CASC3: variants seen among roughly 807,000 people sequenced by gnomAD.
CASC3 encodes the protein CASC3 exon junction complex subunit.
CASC3 carries 30 observed loss-of-function variants against 80.5 expected under a neutral mutation model. That is an observed-to-expected ratio of 0.37 (90% CI 0.28 to 0.51). The LOEUF (loss-of-function observed/expected upper bound fraction) is 0.51. Among genes scored for constraint, CASC3 ranks in the 20% least tolerant of loss-of-function variants. The pLI is 0.94. For synonymous variants in CASC3, 312 were observed against 333.6 expected, an observed-to-expected ratio of 0.94 and a Z score of 0.70; for missense variants, 824 against 922.2, an observed-to-expected ratio of 0.89 and a Z score of 1.38.
chr17:40,168,392 C>T lies in CASC3; in HGVS notation c.1940C>T (p.Pro647Leu), dbSNP rs777929034. The change falls in exon 11 of 14, where the codon CCG becomes CTG. Residue 647 changes from proline to leucine, a missense_variant. By Grantham distance (98) the Pro-to-Leu change is moderately conservative. Around this residue, in one of 3 missense-constraint regions of CASC3, gnomAD observed 464 missense variants for 506.0 expected, o/e 0.92. Transcript: ENST00000264645. ...CCAGGGGCACTGCCTCCCCCACCACCGCCTCATCTGTATCCTAATACACAG... is the reference window on the plus strand; with the variant it reads ...CCAGGGGCACTGCCTCCCCCACCACTGCCTCATCTGTATCCTAATACACAG... Reference protein sequence around the residue: ...YAPGALPPPPPPHLYPNTQAP... With the variant: ...YAPGALPPPPLPHLYPNTQAP... 4.3e-6 allele frequency: 7 copies of T among 1,613,936 alleles called. No homozygotes were observed. Among genetic ancestry groups the T allele is most frequent in the South Asian group, 1.1e-5 (1 of 91,076 alleles).
chr17:40,153,745 C>T (rs1027861188), intron 3 of CASC3, among the ~76,000 whole-genome samples: 33 of 152,102 alleles, frequency 2.2e-4, no homozygotes, highest in African/African-American at 7.7e-4. Flanking sequence ...CCCAGGAGTT[C>T]GAGACCAGCT....
chr17:40,143,589 C>T (rs1988777949), intron 3 of CASC3, among the ~76,000 whole-genome samples: 2 of 151,612 alleles, frequency 1.3e-5, no homozygotes, highest in Non-Finnish European at 2.9e-5. Context: ...CCCAGCACTT[C>T]GGGAGGCTGA....
At chr17:40,167,364 T>A in intron 8 of CASC3, 134 bp from the exon 9 acceptor site, 2 of 621,738 alleles carry the variant, frequency 3.2e-6, no homozygotes, top group South Asian at 4.0e-5. Context: ...TTTTCATTAT[T>A]TTTCAGCTCA....
Position 40,140,572 on chromosome 17 carries a change from C to T in CASC3, c.24C>T (p.Arg8=). The part of the protein sequence containing the change: MADRRRQ[R]ASQDTEDEES... ...AGATGGCGGACCGGCGGCGGCAGCG[C>T]GCTTCGCAAGACACCGAGGACGAGG... Residue 8 remains arginine, a synonymous_variant, in exon 1 of 14, where the codon CGC becomes CGT. Coordinates refer to ENST00000264645, the MANE Select transcript of CASC3 (RefSeq NM_007359.5). 6.2e-7 allele frequency: 1 copy of T among 1,608,736 alleles called. No homozygotes were observed.
At chr17:40,167,280 T>C (rs766102045) in intron 8 of CASC3, 11 of 570,934 alleles carry the variant, frequency 1.9e-5, no homozygotes, top group Non-Finnish European at 3.4e-5. Context: ...AGTTTTTCCA[T>C]TGATTATGCA....
At chr17:40,155,090 C>A (rs1362594099) in intron 3 of CASC3, among the ~76,000 whole-genome samples, 1 of 151,498 alleles carries the variant, frequency 6.6e-6, no homozygotes, top group Non-Finnish European at 1.5e-5. Context: ...GGGGTTTCAC[C>A]GTGTTAGCCA....
At chr17:40,156,268 G>C (rs1304124244) in intron 3 of CASC3, among the ~76,000 whole-genome samples, 1 of 152,130 alleles carries the variant, frequency 6.6e-6, no homozygotes, top group Non-Finnish European at 1.5e-5. Flanking sequence ...AATCAATGGT[G>C]CTCAGTTGTT....
intron 3 of CASC3, among the ~76,000 whole-genome samples, chr17:40,148,781 C>T (rs1242201247): frequency 6.6e-6 from 1 of 152,172 alleles, no homozygotes; most frequent in Non-Finnish European, 1.5e-5. Context: ...CTTTCTCCTG[C>T]GTGGACACCA....
In CASC3 at chr17:40,164,052, G is replaced by T. The variant is rs937616014; in HGVS notation, c.1357G>T (p.Ala453Ser). The change falls in exon 7 of 14, where the codon GCT (alanine) becomes TCT (serine). Residue 453 changes from alanine to serine, a missense_variant. Ala to Ser is a moderately conservative substitution (Grantham distance 99). This residue lies in a region of CASC3 where 464 missense variants were observed against 506.0 expected (regional missense o/e 0.92). Transcript: ENST00000264645. ...ACCTACTAAGACTGGGACCTGGGAA[G>T]CTCCGGTGGATTCTAGTACAAGTGG... Reference protein sequence around the residue: ...TPPTKTGTWEAPVDSSTSGLE... With the variant: ...TPPTKTGTWESPVDSSTSGLE... 6.2e-6 allele frequency: 10 copies of T among 1,613,994 alleles called. No homozygotes were observed. The highest frequency in any genetic ancestry group is 7.6e-6 in the Non-Finnish European group (9 of 1,180,026).
Position 40,168,373 on chromosome 17 carries a change from G to A in CASC3, c.1921G>A (p.Ala641Thr), listed in dbSNP as rs765477275. ...GNPSYPYAPG[A>T]LPPPPPPHLY... ...TCCCAGTTACCCTTATGCTCCAGGG[G>A]CACTGCCTCCCCCACCACCGCCTCA... is the stretch of plus-strand genomic sequence containing the variant. Residue 641 changes from alanine (A) to threonine (T), a missense_variant, in exon 11 of 14, where the codon GCA (alanine) becomes ACA (threonine). Physicochemically the swap from Ala to Thr is moderately conservative, Grantham distance 58 (BLOSUM62 0). Coordinates refer to ENST00000264645, the MANE Select transcript of CASC3 (RefSeq NM_007359.5). 62 of 1,613,880 alleles carry A rather than the reference G, an allele frequency of 3.8e-5. No homozygotes were observed. The South Asian group carries it at 5.3e-4, about 14-fold the overall frequency.
intron 8 of CASC3, 51 bp downstream of exon 8, chr17:40,166,912 C>T: frequency 7.7e-7 from 1 of 1,291,936 alleles, no homozygotes; most frequent in South Asian, 1.3e-5. Context: ...TGTTACACAG[C>T]TTGTTCATTG....
At position 40,162,892 on chromosome 17, in the gene CASC3, G is replaced by A. The variant is rs899144079; in HGVS notation, c.776G>A (p.Arg259Gln). The change falls in exon 6 of 14, where the codon CGG (arginine) becomes CAG (glutamine). Residue 259 changes from arginine (R) to glutamine (Q), a missense_variant. By Grantham distance (43) the Arg-to-Gln change is conservative. This residue lies in a region of CASC3 where 201 missense variants were observed against 294.1 expected (regional missense o/e 0.68). Coordinates refer to ENST00000264645, the MANE Select transcript of CASC3 (RefSeq NM_007359.5). The part of the protein sequence containing the change: ...NPDDIKPRRI[R>Q]KPRYGSPPQR... ...GATGACATCAAACCTCGAAGAATCC[G>A]GAAACCCCGGTGAGGACATTTTAGA... The A allele has an allele frequency of 3.7e-6, 6 of 1,613,508 alleles. No homozygotes were observed. The highest frequency in any genetic ancestry group is 1.3e-5 in the African/African-American group (1 of 74,886).
At chr17:40,155,339 C>T (rs1989119637) in intron 3 of CASC3, among the ~76,000 whole-genome samples, 1 of 151,952 alleles carries the variant, frequency 6.6e-6, no homozygotes, top group Non-Finnish European at 1.5e-5. Flanking sequence ...TCACTGCAAC[C>T]TCTGTCTCCT....
chr17:40,170,774 T>G lies in CASC3; in HGVS notation c.*369T>G. ...TGTTCCCAAGGAAGCTCCTTCCTGTTTGTTTTGTTTTCTAAGATGTTCATT... is the reference window on the plus strand; with the variant it reads ...TGTTCCCAAGGAAGCTCCTTCCTGTGTGTTTTGTTTTCTAAGATGTTCATT... On this transcript the variant is annotated 3_prime_UTR_variant, in exon 14 of 14. Transcript: ENST00000264645. 1 of 985,330 alleles carries G rather than the reference T, an allele frequency of 1.0e-6. No homozygotes were observed. The highest frequency in any genetic ancestry group is 1.2e-6 in the Non-Finnish European group (1 of 829,768). 61.0% of individuals were successfully genotyped at this position (985,330 alleles called of 1,614,324 possible). A position where few individuals can be genotyped will look rare whatever the true frequency, so the allele number is the denominator to read the frequency against.
chr17:40,142,660 G>A (rs143099635), intron 3 of CASC3, among the ~76,000 whole-genome samples: 10 of 152,276 alleles, frequency 6.6e-5, no homozygotes, highest in Admixed American at 2.0e-4. Context: ...AGGCCCAGGC[G>A]GGCGGATCAC....
rs146576624 is a variant in CASC3, at chr17:40,167,075, C to T, written c.1536+214C>T. 2.3e-3 allele frequency: 1,233 copies of T among 533,400 alleles called. 5 individuals carry two copies. Among genetic ancestry groups the T allele is most frequent in the Non-Finnish European group, 3.4e-3 (1,039 of 306,774 alleles). 33.0% of individuals were successfully genotyped at this position (533,400 alleles called of 1,614,324 possible). ...CTGGGTCCCAGTTCAAGCAATTCTG[C>T]CTCAGCCTCCCGAGTAGCTGGCATT... On this transcript the variant is annotated intron_variant, in intron 8 of 13. Coordinates refer to ENST00000264645, the MANE Select transcript of CASC3 (RefSeq NM_007359.5).
intron 3 of CASC3, among the ~76,000 whole-genome samples, chr17:40,154,729 C>T (rs984951761): frequency 6.6e-6 from 1 of 151,996 alleles, no homozygotes; most frequent in African/African-American, 2.4e-5. Flanking sequence ...GTTGCAGATG[C>T]TTTTGGTGTT....
chr17:40,157,342 C>CAAATAAATAAAT (rs748174698), intron 3 of CASC3, among the ~76,000 whole-genome samples: 10 of 145,966 alleles, frequency 6.9e-5, no homozygotes, highest in South Asian at 2.2e-4. Flanking sequence ...GACTCCGTCT[C>CAAATAAATAAAT]AAATAAATAA....
At position 40,163,788 on chromosome 17, in the gene CASC3, G is replaced by A. The variant is rs1989371376; in HGVS notation, c.1093G>A (p.Glu365Lys). Residue 365 changes from glutamate to lysine, a missense_variant, in exon 7 of 14, where the codon GAA (glutamate) becomes AAA (lysine). Around this residue, in one of 3 missense-constraint regions of CASC3, gnomAD observed 464 missense variants for 506.0 expected, o/e 0.92. Transcript: ENST00000264645. The stretch of plus-strand genomic sequence containing the variant: ...GACTTCTGTGAGGGATCCATCTCCA[G>A]AAGCAGATGCTCCAGTGCTTGGCAG... ...EQTSVRDPSP[E>K]ADAPVLGSPE... The A allele has an allele frequency of 6.2e-7, 1 of 1,614,202 alleles. No homozygotes were observed. The highest frequency in any genetic ancestry group is 8.5e-7 in the Non-Finnish European group (1 of 1,180,044).
Sources: gnomAD v4.1 joint callset for allele counts (sites outside exome capture counted in the v4.1 genomes callset) on GRCh38, gnomAD v4.1.1 for gene constraint, gnomAD v4.1.1 regional missense constraint, MANE v1.5 for transcripts, NCBI Gene and HGNC (gene_info 2026-07-23, HGNC 2026-07-21) for gene names.